Variants in ADAMTS7 observed in about 807,000 individuals in gnomAD.
The protein encoded by ADAMTS7 is A disintegrin and metalloproteinase with thrombospondin motifs 7.
Under a neutral mutation model 172.6 loss-of-function variants are expected in ADAMTS7, and 89 were observed. That is an observed-to-expected ratio of 0.52 (90% CI 0.43 to 0.61). The LOEUF (loss-of-function observed/expected upper bound fraction) is 0.61, where lower values mean the gene tolerates loss of function less well. Among genes scored for constraint, ADAMTS7 ranks in the 20% least tolerant of loss-of-function variants. ADAMTS7 has a pLI of 0.00. For missense variants in ADAMTS7, 1,973 were observed against 2,355.6 expected (o/e 0.84, Z 3.36); for synonymous variants, 885 against 978.4 (o/e 0.90, Z 1.78).
In ADAMTS7 at chr15:78,811,109, G is replaced by A. The variant is rs2055860089; in HGVS notation, c.100+12C>T. ...GGCAGGCCCGGCTGGCCGGGGAGGG[G>A]CGGACACCCACCTGGTGCGGGTCCG... On this transcript the variant is annotated intron_variant, in intron 1 of 23. Coordinates refer to ENST00000388820, the MANE Select transcript of ADAMTS7 (RefSeq NM_014272.5). The A allele has an allele frequency of 2.4e-6, 3 of 1,230,412 alleles. No individual in the cohort carries two copies. The highest frequency in any genetic ancestry group is 3.0e-6 in the Non-Finnish European group (3 of 987,006). 76.2% of individuals were successfully genotyped at this position (1,230,412 alleles called of 1,614,324 possible).
rs145133161 is a variant in ADAMTS7, at chr15:78,789,069, C to T, written c.1178+620G>A. Among the ~76,000 whole-genome samples, 428 of 152,308 alleles carry T rather than the reference C, an allele frequency of 2.8e-3. 2 individuals carry two copies. Among genetic ancestry groups the T allele is most frequent in the African/African-American group, 0.01 (416 of 41,558 alleles). On this transcript the variant is annotated intron_variant, in intron 7 of 23. Coordinates refer to ENST00000388820, the MANE Select transcript of ADAMTS7 (RefSeq NM_014272.5). ...AGGCACGGCCATCGCCTACGAAACC[C>T]GGACGTCTGAATGGATGACCCCAAC... is the stretch of plus-strand genomic sequence containing the variant.
At chr15:78,776,712 TCA>T in intron 10 of ADAMTS7, 35 bp downstream of exon 10, 1 of 1,530,536 alleles carries the variant, frequency 6.5e-7, no homozygotes, top group Non-Finnish European at 8.9e-7. Flanking sequence ...GTCTGGCCTC[TCA>T]CACACCCACT....
At chr15:78,787,722 A>T (rs1343711190) in intron 8 of ADAMTS7, among the ~76,000 whole-genome samples, 1 of 152,178 alleles carries the variant, frequency 6.6e-6, no homozygotes, top group African/African-American at 2.4e-5. Context: ...AACATGAAAA[A>T]AAAGGAGAAA....
At chr15:78,762,588 G>C in intron 22 of ADAMTS7, 23 bp from the exon 23 acceptor site, 5 of 1,372,574 alleles carry the variant, frequency 3.6e-6, no homozygotes, top group Non-Finnish European at 4.9e-6. Flanking sequence ...GGGGAGGAAT[G>C]AGTGTCTCCA....
At position 78,759,481 on chromosome 15, in the gene ADAMTS7, C is replaced by A. The variant is rs775450666; in HGVS notation, c.5001G>T (p.Ser1667=). 1.3e-6 allele frequency: 2 copies of A among 1,596,894 alleles called. No homozygotes were observed. The highest frequency in any genetic ancestry group is 1.7e-6 in the Non-Finnish European group (2 of 1,177,318). ...GGGCGCCGTGGCTGGGCGGAGAGCACGAGCGGCAGCACTGGGTGCGGATGG... is the reference window on the plus strand; with the variant it reads ...GGGCGCCGTGGCTGGGCGGAGAGCAAGAGCGGCAGCACTGGGTGCGGATGG... The part of the protein sequence containing the change: ...LPTIRTQCCR[S]CSPPSHGAPS... The change falls in exon 24 of 24, where the codon TCG becomes TCT. Residue 1667 remains serine (S), a synonymous_variant. Transcript: ENST00000388820.
chr15:78,786,706 G>A (rs2055506877), intron 8 of ADAMTS7, among the ~76,000 whole-genome samples: 1 of 152,186 alleles, frequency 6.6e-6, no homozygotes, highest in Admixed American at 6.5e-5. Context: ...GGAGTGAGAT[G>A]AAACCAGTTG....
At position 78,789,736 on chromosome 15, in the gene ADAMTS7, G is replaced by A; in HGVS notation, c.1131C>T (p.Asp377=). 6.2e-7 allele frequency: 1 copy of A among 1,612,942 alleles called. No individual in the cohort carries two copies. Among genetic ancestry groups the A allele is most frequent in the Non-Finnish European group, 8.5e-7 (1 of 1,179,792 alleles). ...QPHRSCSINE[D]TGLPLAFTVA... is the part of the protein sequence containing the mutation. ...CAGTGAAGGCCAGCGGCAGGCCCGT[G>A]TCCTCGTTGATGCTGCAGCTGCGGT... is the stretch of plus-strand genomic sequence containing the variant. The change falls in exon 7 of 24, where the codon GAC becomes GAT. Residue 377 remains aspartate, a synonymous_variant. Coordinates refer to ENST00000388820, the MANE Select transcript of ADAMTS7 (RefSeq NM_014272.5).
chr15:78,796,196 GGCATTTCTGTGTTTCCA>G (rs1414397142), intron 4 of ADAMTS7, among the ~76,000 whole-genome samples: 1 of 152,166 alleles, frequency 6.6e-6, no homozygotes, highest in East Asian at 1.9e-4. Flanking sequence ...AGTCTGATCA[GGCATTTCTGTGTTTCCA>G]GCATCTAGCA....
At chr15:78,770,115 A>G (rs1305425004) in intron 16 of ADAMTS7, among the ~76,000 whole-genome samples, 1 of 152,146 alleles carries the variant, frequency 6.6e-6, no homozygotes, top group Non-Finnish European at 1.5e-5. Flanking sequence ...GTGAGCCGAG[A>G]TTGTGCCATT....
In ADAMTS7 at chr15:78,800,262, T is replaced by C. The variant is rs751481637; in HGVS notation, c.386A>G (p.His129Arg). Residue 129 changes from histidine to arginine, a missense_variant, in exon 2 of 24, where the codon CAC (histidine) becomes CGC (arginine). Coordinates refer to ENST00000388820, the MANE Select transcript of ADAMTS7 (RefSeq NM_014272.5). ...AGGGTCCTGCACCTCGCCAAGCAGG[T>C]GGCAGGCCGGGGTGTGGGCCCGGAT... ...AHIRAHTPACHLLGEVQDPEL... is the reference protein window; with the variant it reads ...AHIRAHTPACRLLGEVQDPEL... The C allele has an allele frequency of 3.1e-6, 5 of 1,594,866 alleles. No homozygotes were observed. Among genetic ancestry groups the C allele is most frequent in the Middle Eastern group, 2.3e-4 (1 of 4,436 alleles).
chr15:78,809,846 C>T (rs931683420), intron 1 of ADAMTS7, among the ~76,000 whole-genome samples: 2 of 152,244 alleles, frequency 1.3e-5, no homozygotes, highest in African/African-American at 2.4e-5. Flanking sequence ...CATAAAAGGA[C>T]TTTCCATCAC....
chr15:78,788,277 G>C lies in ADAMTS7; in HGVS notation c.1276C>G (p.Leu426Val). 17 of 1,613,840 alleles carry C rather than the reference G, an allele frequency of 1.1e-5. No individual in the cohort carries two copies. The highest frequency in any genetic ancestry group is 1.4e-5 in the Non-Finnish European group (16 of 1,179,974). Residue 426 changes from leucine (L) to valine (V), a missense_variant, in exon 8 of 24, where the codon CTC (leucine) becomes GTC (valine). Leu to Val is a conservative substitution (Grantham distance 32). Transcript: ENST00000388820. ...SPQLLYDAAPLTWSRCSRQYI... is the reference protein window; with the variant it reads ...SPQLLYDAAPVTWSRCSRQYI... ...TGGCGGCTGCAGCGGGACCAGGTGAGGGGAGCGGCGTCGTACAGGAGCTGT... is the reference window on the plus strand; with the variant it reads ...TGGCGGCTGCAGCGGGACCAGGTGACGGGAGCGGCGTCGTACAGGAGCTGT...
chr15:78,796,847 AG>A (rs2055652698), intron 3 of ADAMTS7, 61 bp from the exon 4 acceptor site: 1 of 1,451,400 alleles, frequency 6.9e-7, no homozygotes, highest in African/African-American at 1.4e-5. Flanking sequence ...ACACGTCTCC[AG>A]GGCCTCTCCT....
intron 1 of ADAMTS7, among the ~76,000 whole-genome samples, chr15:78,809,888 G>T (rs542350292): frequency 2.2e-4 from 34 of 152,360 alleles, no homozygotes; most frequent in Admixed American, 4.6e-4. Flanking sequence ...GAGATGATGA[G>T]AAATAAGAAC....
At position 78,797,940 on chromosome 15, in the gene ADAMTS7, GA is replaced by G; in HGVS notation, c.622+7del. 1 of 1,597,080 alleles carries G rather than the reference GA, an allele frequency of 6.3e-7. No individual in the cohort carries two copies. Among genetic ancestry groups the G allele is most frequent in the Non-Finnish European group, 8.5e-7 (1 of 1,174,456 alleles). ...ACCCACCCGAGAACTGGGAGCAGAA[GA>G]GCATACCTTGCACTCCACAGGTGCT... On this transcript the variant is annotated splice_region_variant and intron_variant, in intron 3 of 23. Transcript: ENST00000388820.
At chr15:78,781,764 G>A (rs111230399) in intron 8 of ADAMTS7, among the ~76,000 whole-genome samples, 4,055 of 152,236 alleles carry the variant, frequency 0.027, 153 homozygotes, top group African/African-American at 0.087. Context: ...TCTCTCTGGG[G>A]AAGGAGACAC....
intron 1 of ADAMTS7, among the ~76,000 whole-genome samples, chr15:78,803,922 A>C (rs1206386285): frequency 6.6e-6 from 1 of 152,250 alleles, no homozygotes; most frequent in Non-Finnish European, 1.5e-5. Flanking sequence ...AATTTCGTTG[A>C]GAGATTACAA....
intron 7 of ADAMTS7, among the ~76,000 whole-genome samples, chr15:78,789,310 G>C (rs145903742): frequency 6.6e-6 from 1 of 152,220 alleles, no homozygotes; most frequent in Non-Finnish European, 1.5e-5. Context: ...GCCCAGAGAG[G>C]GCAGGCACTG....
chr15:78,788,571 C>G (rs1330517357), intron 7 of ADAMTS7, among the ~76,000 whole-genome samples, 197 bp from the exon 8 acceptor site: 1 of 152,248 alleles, frequency 6.6e-6, no homozygotes, highest in Non-Finnish European at 1.5e-5. Context: ...GAGGGTATGA[C>G]AGCTAGTATC....
Sources: gnomAD v4.1 joint callset for allele counts (sites outside exome capture counted in the v4.1 genomes callset) on GRCh38, gnomAD v4.1.1 for gene constraint, MANE v1.5 for transcripts, NCBI Gene and HGNC (gene_info 2026-07-23, HGNC 2026-07-21) for gene names.